The following GDAP1L1 variants were observed in gnomAD, a reference collection of about 807,000 sequenced individuals.
GDAP1L1 encodes the protein ganglioside-induced differentiation-associated protein 1-like 1.
In GDAP1L1, 21 loss-of-function variants were observed where a neutral mutation model predicts 37.1. The ratio of observed to expected loss-of-function variants is 0.57; its 90% CI spans 0.40 to 0.81. GDAP1L1 has a LOEUF of 0.81. Ranked by LOEUF, GDAP1L1 falls within the 40% of genes least tolerant of loss-of-function variation. The probability of loss-of-function intolerance (pLI) is 0.00; values close to 1 mark genes in which losing one functional copy is unlikely to be tolerated. For synonymous variants in GDAP1L1, 193 were observed against 209.1 expected, an observed-to-expected ratio of 0.92 and a Z score of 0.67; for missense variants, 362 against 491.6, an observed-to-expected ratio of 0.74 and a Z score of 2.49.
At chr20:44,274,254 T>C (rs1373997329) in intron 5 of GDAP1L1, among the ~76,000 whole-genome samples, 1 of 152,146 alleles carries the variant, frequency 6.6e-6, no homozygotes, top group Non-Finnish European at 1.5e-5. Flanking sequence ...CTATCCACTC[T>C]TCCCCATAGA....
chr20:44,262,820 G>A (rs1313466330), intron 3 of GDAP1L1, among the ~76,000 whole-genome samples: 6 of 151,932 alleles, frequency 3.9e-5, no homozygotes, highest in Non-Finnish European at 5.9e-5. Flanking sequence ...AGGCTCAAGC[G>A]ATCCCCCTGC....
intron 3 of GDAP1L1, among the ~76,000 whole-genome samples, chr20:44,261,291 C>G (rs539530204): frequency 1.4e-5 from 2 of 141,340 alleles, no homozygotes; most frequent in African/African-American, 2.9e-5. Flanking sequence ...CTGGGTGACA[C>G]GCAAGAAAGA....
At chr20:44,257,103 G>T (rs1244358485) in intron 1 of GDAP1L1, 50 bp from the exon 2 acceptor site, 1 of 1,502,752 alleles carries the variant, frequency 6.7e-7, no homozygotes, top group East Asian at 2.5e-5. Context: ...CCTGGGCAGA[G>T]TGTCCCCTGT....
chr20:44,276,412 A>AAAGGAAAGAAAGAAAGAAAGAAAGAAAG (rs2062576459), intron 5 of GDAP1L1, among the ~76,000 whole-genome samples: 1 of 113,308 alleles, frequency 8.8e-6, no homozygotes, highest in African/African-American at 3.5e-5. Flanking sequence ...AGAAAAAAGA[A>AAAGGAAAGAAAGAAAGAAAGAAAGAAAG]AAAGAAAGAA....
chr20:44,277,042 G>T (rs908230794), intron 5 of GDAP1L1, among the ~76,000 whole-genome samples: 1 of 151,226 alleles, frequency 6.6e-6, no homozygotes, highest in Non-Finnish European at 1.5e-5. Flanking sequence ...TATTTATTTC[G>T]AGATGGGGTT....
chr20:44,260,267 G>C (rs1346356755), intron 3 of GDAP1L1, among the ~76,000 whole-genome samples: 2 of 143,234 alleles, frequency 1.4e-5, no homozygotes, highest in African/African-American at 5.5e-5. Context: ...ATATTAGTGA[G>C]TAGAAAAAAG....
rs2145976654 is a variant in GDAP1L1 at position 44,247,463 on chromosome 20, C to T, written c.129C>T (p.Pro43=). The change falls in exon 1 of 6, where the codon CCC becomes CCT. Residue 43 remains proline, a synonymous_variant. Transcript: ENST00000342560. ...AGGCGGCCAGCCCCGCCCATTGGCC[C>T]AGGGAGAGCCTGGTTCTGTACCACT... ...APEAASPAHW[P]RESLVLYHWT... is the part of the protein sequence containing the mutation. The T allele has an allele frequency of 3.1e-6, 5 of 1,603,170 alleles. No individual in the cohort carries two copies. The East Asian group carries it at 9.1e-5, about 29-fold the overall frequency.
At chr20:44,248,764 G>C (rs2073383644) in intron 1 of GDAP1L1, among the ~76,000 whole-genome samples, 1 of 152,194 alleles carries the variant, frequency 6.6e-6, no homozygotes, top group Non-Finnish European at 1.5e-5. Context: ...CAGTGGGTCT[G>C]GAATGGGGTC....
intron 1 of GDAP1L1, among the ~76,000 whole-genome samples, chr20:44,255,500 C>T (rs189433635): frequency 1.0e-3 from 147 of 142,768 alleles, no homozygotes; most frequent in African/African-American, 3.7e-3. Context: ...CGAGATCGCA[C>T]CACTGCACTC....
chr20:44,277,155 G>C (rs1271582831), intron 5 of GDAP1L1, among the ~76,000 whole-genome samples: 1 of 152,182 alleles, frequency 6.6e-6, no homozygotes, highest in Admixed American at 6.5e-5. Context: ...CTCCTGAGAA[G>C]CTGGGATTAC....
rs777015313 is a variant in GDAP1L1, at chr20:44,247,309, T to C, written c.-26T>C. 1.2e-6 allele frequency: 2 copies of C among 1,612,448 alleles called. No individual in the cohort carries two copies. The highest frequency in any genetic ancestry group is 1.7e-6 in the Non-Finnish European group (2 of 1,179,392). On this transcript the variant is annotated 5_prime_UTR_variant, in exon 1 of 6. Coordinates refer to ENST00000342560, the MANE Select transcript of GDAP1L1 (RefSeq NM_024034.6). Reference sequence around the variant, plus strand: ...GAGCCGCCGCGCCGGAGCCTCCTTCTTTCCTGCCTCTGATTCCGGGCTGTC... The same window carrying C: ...GAGCCGCCGCGCCGGAGCCTCCTTCCTTCCTGCCTCTGATTCCGGGCTGTC...
chr20:44,270,869 C>T (rs1038184590), intron 5 of GDAP1L1, among the ~76,000 whole-genome samples: 55 of 152,192 alleles, frequency 3.6e-4, no homozygotes, highest in Non-Finnish European at 2.2e-4. Flanking sequence ...CCCCATCATT[C>T]ATTAGAAGTC....
intron 5 of GDAP1L1, chr20:44,265,263 T>C (rs6031489): frequency 0.22 from 218,720 of 985,060 alleles, 26,460 homozygotes; most frequent in East Asian, 0.49. Context: ...TCTACCTCCA[T>C]GCTTTTGCTC....
chr20:44,263,337 T>G lies in GDAP1L1; in HGVS notation c.645+10T>G. The G allele has an allele frequency of 6.3e-7, 1 of 1,590,102 alleles. No individual in the cohort carries two copies. Among genetic ancestry groups the G allele is most frequent in the Non-Finnish European group, 8.6e-7 (1 of 1,158,246 alleles). Reference sequence around the variant, plus strand: ...ACAAAAGAAGCTCATGGTGAGTACCTCCCGGCCTGCTGAGTCCCCTTCCCT... The same window carrying G: ...ACAAAAGAAGCTCATGGTGAGTACCGCCCGGCCTGCTGAGTCCCCTTCCCT... On this transcript the variant is annotated intron_variant, in intron 4 of 5. Transcript: ENST00000342560.
chr20:44,256,137 C>T (rs2073538031), intron 1 of GDAP1L1, among the ~76,000 whole-genome samples: 1 of 152,140 alleles, frequency 6.6e-6, no homozygotes, highest in South Asian at 2.1e-4. Context: ...AAGTCTGCTG[C>T]TGAATTGCTG....
chr20:44,264,629 G>C (rs867563744), intron 5 of GDAP1L1, 70 bp downstream of exon 5: 2 of 1,559,626 alleles, frequency 1.3e-6, no homozygotes, highest in Admixed American at 3.9e-5. Flanking sequence ...CCCAGTCTCA[G>C]CCTCTTTTTT....
At chr20:44,277,017 T>TTTTA (rs953029478) in intron 5 of GDAP1L1, among the ~76,000 whole-genome samples, 14 of 152,130 alleles carry the variant, frequency 9.2e-5, no homozygotes, top group East Asian at 5.8e-4. Flanking sequence ...TTTTTTTAAT[T>TTTTA]TTTATTTATT....
intron 5 of GDAP1L1, among the ~76,000 whole-genome samples, chr20:44,271,743 C>T (rs750821064): frequency 1.1e-4 from 16 of 152,076 alleles, no homozygotes; most frequent in African/African-American, 2.9e-4. Context: ...AAGGGGGAAT[C>T]GGGGGTTCAG....
At chr20:44,277,293 T>C (rs537563475) in intron 5 of GDAP1L1, among the ~76,000 whole-genome samples, 16 of 152,118 alleles carry the variant, frequency 1.1e-4, no homozygotes, top group Non-Finnish European at 2.2e-4. Flanking sequence ...ATTGGCAGTC[T>C]GGGAAGCCCA....
Sources: gnomAD v4.1 joint callset for allele counts (sites outside exome capture counted in the v4.1 genomes callset) on GRCh38, gnomAD v4.1.1 for gene constraint, MANE v1.5 for transcripts, NCBI Gene and HGNC (gene_info 2026-07-23, HGNC 2026-07-21) for gene names.